Variants in CADPS2 observed in about 807,000 individuals in gnomAD.
CADPS2 encodes the protein calcium dependent secretion activator 2.
A neutral mutation model predicts 172.5 loss-of-function variants in CADPS2; 93 were observed. That is an observed-to-expected ratio of 0.54 (90% confidence interval 0.46 to 0.64). CADPS2 has a LOEUF of 0.64. Among genes scored for constraint, CADPS2 ranks in the 30% least tolerant of loss-of-function variants. The probability of loss-of-function intolerance (pLI) is 0.00; values close to 1 mark genes in which losing one functional copy is unlikely to be tolerated. For synonymous variants in CADPS2, 546 were observed against 555.2 expected (o/e 0.98, Z 0.23); for missense variants, 1,420 against 1,565.9 (o/e 0.91, Z 1.57).
At chr7:122,701,462 G>A (rs1429687770) in intron 2 of CADPS2, among the ~76,000 whole-genome samples, 2 of 152,086 alleles carry the variant, frequency 1.3e-5, no homozygotes, top group Non-Finnish European at 2.9e-5. Flanking sequence ...AGCGGGGAGG[G>A]ATAGCATTTG....
chr7:122,545,560 A>G (rs192126618), intron 8 of CADPS2, among the ~76,000 whole-genome samples: 3 of 152,194 alleles, frequency 2.0e-5, no homozygotes, highest in Admixed American at 1.3e-4. Flanking sequence ...TTTTTTTAGT[A>G]GAGATATAAT....
chr7:122,616,127 C>T (rs1254504609), intron 5 of CADPS2, among the ~76,000 whole-genome samples: 1 of 151,892 alleles, frequency 6.6e-6, no homozygotes, highest in Non-Finnish European at 1.5e-5. Context: ...TTTACCATAG[C>T]GTTTTCAATC....
At chr7:122,396,723 G>C (rs1052154954) in intron 20 of CADPS2, among the ~76,000 whole-genome samples, 1 of 152,022 alleles carries the variant, frequency 6.6e-6, no homozygotes, top group Non-Finnish European at 1.5e-5. Flanking sequence ...CCAATTACTG[G>C]CTTCTCTTGT....
At chr7:122,592,548 T>A (rs907246680) in intron 6 of CADPS2, among the ~76,000 whole-genome samples, 1 of 152,150 alleles carries the variant, frequency 6.6e-6, no homozygotes, top group Non-Finnish European at 1.5e-5. Context: ...CGTATGTTTA[T>A]TGTGGCACAA....
chr7:122,389,600 G>A (rs2044120004), intron 22 of CADPS2, among the ~76,000 whole-genome samples: 1 of 151,872 alleles, frequency 6.6e-6, no homozygotes. Context: ...TTTCCATTAT[G>A]CAAGTACATA....
intron 28 of CADPS2, among the ~76,000 whole-genome samples, chr7:122,340,533 G>C (rs1283209800): frequency 6.6e-6 from 1 of 152,156 alleles, no homozygotes; most frequent in Non-Finnish European, 1.5e-5. Context: ...AATGACAAGA[G>C]AAGTGCTGTT....
chr7:122,752,197 T>C (rs2092980528), intron 1 of CADPS2, among the ~76,000 whole-genome samples: 1 of 152,228 alleles, frequency 6.6e-6, no homozygotes, highest in Admixed American at 6.5e-5. Flanking sequence ...ACACATTACC[T>C]AACATTAGTT....
rs186470956 is a variant in CADPS2, at chr7:122,860,667, A to G, written c.339+25332T>C. On this transcript the variant is annotated intron_variant, in intron 1 of 29. Coordinates refer to ENST00000449022, the MANE Select transcript of CADPS2 (RefSeq NM_017954.11). ...GAATATAGCCACTCTACTATGCAAT[A>G]GAATATCAGGATTTCTCTTATAAAA... is the stretch of plus-strand genomic sequence containing the variant. Among the ~76,000 whole-genome samples, 13 of 152,328 alleles carry G rather than the reference A, an allele frequency of 8.5e-5. No individual in the cohort carries two copies. The East Asian group carries it at 2.1e-3, about 25-fold the overall frequency.
intron 1 of CADPS2, among the ~76,000 whole-genome samples, chr7:122,878,738 A>G (rs1275474324): frequency 1.3e-5 from 2 of 152,130 alleles, no homozygotes; most frequent in Non-Finnish European, 2.9e-5. Context: ...AAAGAATTAA[A>G]TTAATAAACT....
chr7:122,881,097 T>C (rs1822813402), intron 1 of CADPS2, among the ~76,000 whole-genome samples: 1 of 152,244 alleles, frequency 6.6e-6, no homozygotes, highest in African/African-American at 2.4e-5. Flanking sequence ...CTTTATAATC[T>C]GGCAGTCAGC....
chr7:122,345,711 A>G, intron 27 of CADPS2, 30 bp from the exon 28 acceptor site: 1 of 1,320,940 alleles, frequency 7.6e-7, no homozygotes, highest in Non-Finnish European at 1.1e-6. Context: ...GGGGGAACAA[A>G]ATAATATCAG....
chr7:122,645,427 G>T (rs1346261707), intron 3 of CADPS2, among the ~76,000 whole-genome samples: 3 of 86,200 alleles, frequency 3.5e-5, no homozygotes, highest in African/African-American at 1.1e-4. Flanking sequence ...GTATATGTGT[G>T]TATATATGTA....
chr7:122,580,961 AC>A (rs1407185697), intron 7 of CADPS2, among the ~76,000 whole-genome samples: 1 of 152,140 alleles, frequency 6.6e-6, no homozygotes, highest in African/African-American at 2.4e-5. Flanking sequence ...ATTTGTATTT[AC>A]CCCTTACACA....
In CADPS2 at chr7:122,615,107, A is replaced by C. The variant is rs540468456; in HGVS notation, c.1223+74T>G. On this transcript the variant is annotated intron_variant, in intron 6 of 29. Transcript: ENST00000449022. ...GGTAATACCACACATTTATGCACAT[A>C]AACAGAGCATGTTTCTTTGGGAGGA... 1,263 of 907,362 alleles carry C rather than the reference A, an allele frequency of 1.4e-3. 23 individuals are homozygous for C. The South Asian group carries it at 0.021, about 15-fold the overall frequency. 56.2% of individuals were successfully genotyped at this position (907,362 alleles called of 1,614,324 possible).
intron 3 of CADPS2, among the ~76,000 whole-genome samples, chr7:122,635,937 TTG>T (rs1376149830): frequency 1.3e-5 from 2 of 152,332 alleles, no homozygotes; most frequent in Non-Finnish European, 2.9e-5. Context: ...ACATTTTTTT[TTG>T]TTTTCCATTT....
chr7:122,430,400 T>C (rs2049748588), intron 17 of CADPS2, among the ~76,000 whole-genome samples: 1 of 152,238 alleles, frequency 6.6e-6, no homozygotes, highest in African/African-American at 2.4e-5. Flanking sequence ...CGCTCTTGTC[T>C]GTGAGAAAGT....
chr7:122,736,860 A>C, intron 2 of CADPS2, 95 bp downstream of exon 2: 1 of 664,530 alleles, frequency 1.5e-6, no homozygotes, highest in South Asian at 1.9e-5. Context: ...TTCCTGTCAG[A>C]CCAGCAAGCT....
intron 4 of CADPS2, among the ~76,000 whole-genome samples, chr7:122,627,947 T>C (rs1327361577): frequency 2.0e-5 from 3 of 152,156 alleles, no homozygotes; most frequent in African/African-American, 7.2e-5. Context: ...ATCTCTAGAA[T>C]GAAATACCAC....
intron 1 of CADPS2, among the ~76,000 whole-genome samples, chr7:122,864,508 T>G (rs551813555): frequency 6.6e-6 from 1 of 151,926 alleles, no homozygotes; most frequent in South Asian, 2.1e-4. Context: ...CCAAAAAAAC[T>G]TATGTCACAT....
Sources: allele counts gnomAD v4.1 joint callset (sites outside exome capture counted in the v4.1 genomes callset), GRCh38; gene constraint gnomAD v4.1.1; transcripts MANE v1.5; gene names NCBI Gene and HGNC (gene_info 2026-07-23, HGNC 2026-07-21).